SCAI: variants seen among roughly 807,000 people sequenced by gnomAD.
SCAI encodes protein SCAI.
A neutral mutation model predicts 92.2 loss-of-function variants in SCAI; 24 were observed. The observed-to-expected ratio is 0.26, with a 90% CI of 0.19 to 0.37. The LOEUF (loss-of-function observed/expected upper bound fraction) is 0.37. Ranked by LOEUF, SCAI falls within the 10% of genes least tolerant of loss-of-function variation. The pLI is 1.00. For missense variants in SCAI, 450 were observed against 736.2 expected (o/e 0.61, Z 4.50); for synonymous variants, 261 against 258.6 (o/e 1.01, Z -0.09).
In SCAI at chr9:124,948,418, T is replaced by A. The variant is rs1374096701; in HGVS notation, c.*4389A>T. 1.3e-5 allele frequency: 2 copies of A among 152,228 alleles called. No individual in the cohort carries two copies. The highest frequency in any genetic ancestry group is 2.9e-5 in the Non-Finnish European group (2 of 68,030). 9.4% of individuals were successfully genotyped at this position (152,228 alleles called of 1,614,324 possible). A position where few individuals can be genotyped will look rare whatever the true frequency, so the allele number is the denominator to read the frequency against. On this transcript the variant is annotated 3_prime_UTR_variant, in exon 18 of 18. Transcript: ENST00000336505. ...AATACATCCTGGCTAGAATAAAAGA[T>A]AAAATGTCAGATTTGTGGATTTTTA... is the stretch of plus-strand genomic sequence containing the variant.
chr9:125,078,179 T>C (rs1255272209), intron 2 of SCAI, among the ~76,000 whole-genome samples: 1 of 152,086 alleles, frequency 6.6e-6, no homozygotes, highest in Non-Finnish European at 1.5e-5. Flanking sequence ...ATTTCTATTT[T>C]TCTTTTCTCA....
chr9:125,131,308 T>C (rs1244952927), intron 2 of SCAI, among the ~76,000 whole-genome samples: 2 of 148,312 alleles, frequency 1.3e-5, no homozygotes, highest in Non-Finnish European at 3.0e-5. Context: ...CTTGGGAGGC[T>C]GAGGAGGGAG....
At chr9:125,113,049 T>C (rs548630760) in intron 2 of SCAI, among the ~76,000 whole-genome samples, 51 of 152,358 alleles carry the variant, frequency 3.3e-4, no homozygotes, top group Admixed American at 3.2e-3. Flanking sequence ...AACTTATTTA[T>C]GTAGGTATTT....
intron 2 of SCAI, among the ~76,000 whole-genome samples, chr9:125,131,200 G>A (rs1835392822): frequency 6.6e-6 from 1 of 151,544 alleles, no homozygotes; most frequent in Non-Finnish European, 1.5e-5. Context: ...AAGGTCAGGA[G>A]TTCAACACCA....
intron 6 of SCAI, among the ~76,000 whole-genome samples, chr9:125,021,718 A>C (rs571110748): frequency 9.9e-5 from 15 of 152,268 alleles, no homozygotes; most frequent in African/African-American, 3.6e-4. Context: ...TTTTTAAAAA[A>C]TTCTTTCGAC....
chr9:125,106,096 C>CACAAAAAAA lies in SCAI; in HGVS notation c.98+36536_98+36537insTTTTTTTGT, dbSNP rs1299930738. On this transcript the variant is annotated intron_variant, in intron 2 of 17. Coordinates refer to ENST00000336505, the MANE Select transcript of SCAI (RefSeq NM_001144877.3). ...TGCGTGACAGAGTGAGACTCCATCT[C>CACAAAAAAA]AAAAAAAAAAAAAAAAAAAAAAAAA... Among the ~76,000 whole-genome samples the CACAAAAAAA allele has an allele frequency of 6.4e-4, 12 of 18,780 alleles. 2 individuals carry two copies. Among genetic ancestry groups the CACAAAAAAA allele is most frequent in the African/African-American group, 2.6e-3 (12 of 4,542 alleles). The allele number at this position is 18,780 out of a possible 152,430, so 12.3% of individuals were successfully genotyped here.
At chr9:125,131,894 G>A (rs1480700660) in intron 2 of SCAI, among the ~76,000 whole-genome samples, 1 of 152,088 alleles carries the variant, frequency 6.6e-6, no homozygotes, top group East Asian at 1.9e-4. Context: ...TCAGCAAAGA[G>A]TACAGAGATC....
chr9:124,989,484 G>C (rs1832070405), intron 14 of SCAI, among the ~76,000 whole-genome samples: 1 of 152,114 alleles, frequency 6.6e-6, no homozygotes, highest in African/African-American at 2.4e-5. Context: ...AGGACGTTGA[G>C]AGAGGAGAAT....
chr9:125,101,777 CT>C (rs1248493895), intron 2 of SCAI, among the ~76,000 whole-genome samples: 1 of 152,156 alleles, frequency 6.6e-6, no homozygotes, highest in African/African-American at 2.4e-5. Context: ...TCCTTTCCCC[CT>C]AAATGTATTT....
intron 2 of SCAI, among the ~76,000 whole-genome samples, chr9:125,108,589 C>T (rs1352083700): frequency 3.5e-5 from 5 of 141,544 alleles, no homozygotes; most frequent in Admixed American, 2.1e-4. Context: ...GGAGCCCCTC[C>T]GCCCGGCAGC....
At chr9:124,999,337 A>G (rs1490513527) in intron 13 of SCAI, among the ~76,000 whole-genome samples, 1 of 151,784 alleles carries the variant, frequency 6.6e-6, no homozygotes, top group Non-Finnish European at 1.5e-5. Context: ...CAGTGAGCCG[A>G]GATCATGCCA....
At chr9:125,109,837 C>T (rs1051177378) in intron 2 of SCAI, among the ~76,000 whole-genome samples, 22 of 152,156 alleles carry the variant, frequency 1.4e-4, no homozygotes, top group Non-Finnish European at 2.9e-4. Context: ...CAGGCACGCA[C>T]CACCACGCCC....
At position 125,143,455 on chromosome 9, in the gene SCAI, G is replaced by A; in HGVS notation, c.-18C>T. 3 of 1,344,674 alleles carry A rather than the reference G, an allele frequency of 2.2e-6. No individual in the cohort carries two copies. Among genetic ancestry groups the A allele is most frequent in the South Asian group, 1.8e-5 (1 of 57,004 alleles). The allele number at this position is 1,344,674 out of a possible 1,614,324, so 83.3% of individuals were successfully genotyped here. A position where few individuals can be genotyped will look rare whatever the true frequency, so the allele number is the denominator to read the frequency against. Reference sequence around the variant, plus strand: ...CTGACCATCCGGCTCCTGCTCCGCCGCGGGAGCTGCTCCGGCGGCCGCAGG... The same window carrying A: ...CTGACCATCCGGCTCCTGCTCCGCCACGGGAGCTGCTCCGGCGGCCGCAGG... On this transcript the variant is annotated 5_prime_UTR_variant, in exon 1 of 18. Transcript: ENST00000336505.
rs770118712 is a variant in SCAI, at chr9:125,042,858, CTTTTTTTTTTT to C, written c.230+13007_230+13017del. ...TCTGGGACCACATTCTGCTCCCTGG[CTTTTTTTTTTT>C]TTTTTTTTTTTTTTTTTTTGACAGA... is the stretch of plus-strand genomic sequence containing the variant. On this transcript the variant is annotated intron_variant, in intron 3 of 17. Transcript: ENST00000336505. Among the ~76,000 whole-genome samples the C allele has an allele frequency of 2.5e-4, 13 of 50,992 alleles. 1 individual carries two copies. The highest frequency in any genetic ancestry group is 2.1e-3 in the East Asian group (4 of 1,878). 33.5% of individuals were successfully genotyped at this position (50,992 alleles called of 152,430 possible).
chr9:125,002,143 G>A, intron 11 of SCAI, 100 bp from the exon 12 acceptor site: 1 of 823,410 alleles, frequency 1.2e-6, no homozygotes, highest in Non-Finnish European at 2.1e-6. Context: ...AAATAAATAA[G>A]AATGCACTGT....
intron 14 of SCAI, among the ~76,000 whole-genome samples, chr9:124,991,637 G>C (rs2131616462): frequency 6.6e-6 from 1 of 152,018 alleles, no homozygotes; most frequent in Admixed American, 6.6e-5. Flanking sequence ...AGGAGTTCAA[G>C]ACCAGCCTGA....
intron 14 of SCAI, among the ~76,000 whole-genome samples, chr9:124,982,679 CA>C (rs35467160): frequency 0.41 from 30,729 of 74,420 alleles, 3,436 homozygotes; most frequent in African/African-American, 0.47. Flanking sequence ...GACTCTGTCT[CA>C]AAAAAAAAAA....
chr9:124,983,276 G>T (rs187592085), intron 14 of SCAI, among the ~76,000 whole-genome samples: 3 of 152,124 alleles, frequency 2.0e-5, no homozygotes, highest in South Asian at 2.1e-4. Flanking sequence ...CACTGCTACA[G>T]GTGCTAGAGA....
intron 14 of SCAI, among the ~76,000 whole-genome samples, chr9:124,981,730 G>A (rs920745415): frequency 4.0e-5 from 6 of 151,776 alleles, no homozygotes; most frequent in African/African-American, 2.4e-5. Context: ...GCTCACCGCA[G>A]TCTTTATCTT....
Sources: gnomAD v4.1 joint callset for allele counts (sites outside exome capture counted in the v4.1 genomes callset) on GRCh38, gnomAD v4.1.1 for gene constraint, MANE v1.5 for transcripts, NCBI Gene and HGNC (gene_info 2026-07-23, HGNC 2026-07-21) for gene names.